Variants in FAM120A observed in about 807,000 individuals in gnomAD.
FAM120A encodes the protein constitutive coactivator of PPAR-gamma-like protein 1.
A neutral mutation model predicts 109.7 loss-of-function variants in FAM120A; 15 were observed. That is an observed-to-expected ratio of 0.14 (90% CI 0.09 to 0.21). The LOEUF (loss-of-function observed/expected upper bound fraction) is 0.21, where lower values mean the gene tolerates loss of function less well. FAM120A is among the 10% of genes least tolerant of loss of function. FAM120A has a pLI of 1.00. For synonymous variants in FAM120A, 493 were observed against 572.8 expected (o/e 0.86, Z 1.99); for missense variants, 899 against 1,439.3 (o/e 0.62, Z 6.07).
At chr9:93,554,128 C>G (rs1035721652) in intron 12 of FAM120A, among the ~76,000 whole-genome samples, 1 of 115,374 alleles carries the variant, frequency 8.7e-6, no homozygotes, top group African/African-American at 5.2e-5. Flanking sequence ...GATACACACA[C>G]ACACACACAC....
intron 2 of FAM120A, among the ~76,000 whole-genome samples, chr9:93,473,739 A>G (rs1858419586): frequency 6.6e-6 from 1 of 152,238 alleles, no homozygotes; most frequent in Non-Finnish European, 1.5e-5. Context: ...TTAGTAAGGG[A>G]ACTCTTGTGC....
intron 11 of FAM120A, 37 bp from the exon 12 acceptor site, chr9:93,550,540 C>A (rs369422067): frequency 4.6e-6 from 7 of 1,520,788 alleles, no homozygotes; most frequent in Non-Finnish European, 5.5e-6. Context: ...GGCGACCACT[C>A]AGTAATCACC....
intron 1 of FAM120A, 75 bp from the exon 2 acceptor site, chr9:93,471,066 C>T (rs925743648): frequency 5.3e-6 from 8 of 1,523,058 alleles, no homozygotes; most frequent in South Asian, 2.5e-5. Context: ...AGCTTCTGTG[C>T]AAACATTTCT....
chr9:93,475,047 C>T (rs1345387690), intron 2 of FAM120A, among the ~76,000 whole-genome samples: 1 of 152,194 alleles, frequency 6.6e-6, no homozygotes, highest in African/African-American at 2.4e-5. Context: ...GTTTGGAATA[C>T]AGGTGGAGTG....
At chr9:93,555,159 C>T (rs1405432398) in intron 12 of FAM120A, among the ~76,000 whole-genome samples, 1 of 152,090 alleles carries the variant, frequency 6.6e-6, no homozygotes, top group African/African-American at 2.4e-5. Context: ...TCTATCACCC[C>T]AGCCCTACCT....
chr9:93,484,988 T>G (rs1227399570), intron 3 of FAM120A, among the ~76,000 whole-genome samples: 1 of 152,132 alleles, frequency 6.6e-6, no homozygotes, highest in East Asian at 1.9e-4. Context: ...ACTCTGTGAG[T>G]TCAAAACGTC....
chr9:93,476,459 C>A, intron 3 of FAM120A, 121 bp downstream of exon 3: 1 of 668,326 alleles, frequency 1.5e-6, no homozygotes, highest in Middle Eastern at 2.6e-4. Flanking sequence ...CCATGTTTTC[C>A]CATAATTTCA....
At chr9:93,543,120 G>A (rs1031796342) in intron 10 of FAM120A, 102 bp from the exon 11 acceptor site, 2 of 1,423,112 alleles carry the variant, frequency 1.4e-6, no homozygotes, top group Non-Finnish European at 1.9e-6. Context: ...TTACCTGAGA[G>A]GCGAATCTTT....
rs899722515 is a variant in FAM120A, at chr9:93,539,248, C to G, written c.1910-3974C>G. Among the ~76,000 whole-genome samples, 6 of 152,152 alleles carry G rather than the reference C, an allele frequency of 3.9e-5. No individual in the cohort carries two copies. In the East Asian group the frequency reaches 9.7e-4, roughly 24 times the overall value. ...TCCTGACCTCGTGATCCGCCCACCT[C>G]GACCTCCCAAAGTGCTGGGATTACA... On this transcript the variant is annotated intron_variant, in intron 10 of 17. Coordinates refer to ENST00000277165, the MANE Select transcript of FAM120A (RefSeq NM_014612.5).
At chr9:93,545,780 C>CT (rs774150537) in intron 11 of FAM120A, among the ~76,000 whole-genome samples, 2,217 of 65,468 alleles carry the variant, frequency 0.034, 277 homozygotes, top group Admixed American at 0.047. Context: ...GGAAAGACTC[C>CT]TTTTTTTTTT....
At chr9:93,485,810 C>A (rs1859019553) in intron 3 of FAM120A, among the ~76,000 whole-genome samples, 1 of 152,120 alleles carries the variant, frequency 6.6e-6, no homozygotes, top group South Asian at 2.1e-4. Flanking sequence ...CCCTCTACAA[C>A]CCCTTGGCCA....
chr9:93,490,804 G>A (rs1184780457), intron 3 of FAM120A, among the ~76,000 whole-genome samples: 1 of 152,124 alleles, frequency 6.6e-6, no homozygotes, highest in Non-Finnish European at 1.5e-5. Flanking sequence ...TCCTTAAGAC[G>A]CCCCTTGAGT....
intron 11 of FAM120A, among the ~76,000 whole-genome samples, chr9:93,549,045 AAAAAACAAAAC>A (rs1201364825): frequency 6.6e-6 from 1 of 151,774 alleles, no homozygotes; most frequent in Non-Finnish European, 1.5e-5. Flanking sequence ...TCCATCTCAA[AAAAAACAAAAC>A]AAAAACAAAC....
At chr9:93,561,693 C>A (rs2131575487) in intron 16 of FAM120A, among the ~76,000 whole-genome samples, 1 of 152,180 alleles carries the variant, frequency 6.6e-6, no homozygotes, top group Non-Finnish European at 1.5e-5. Context: ...CTGCACACAG[C>A]CTTTAACATC....
intron 10 of FAM120A, 30 bp from the exon 11 acceptor site, chr9:93,543,192 T>G (rs1861764722): frequency 6.2e-7 from 1 of 1,607,878 alleles, no homozygotes; most frequent in African/African-American, 1.3e-5. Flanking sequence ...GATGCATGAA[T>G]GTGTCTTCTC....
intron 5 of FAM120A, among the ~76,000 whole-genome samples, chr9:93,512,486 A>C (rs930952117): frequency 5.3e-5 from 8 of 152,220 alleles, no homozygotes; most frequent in African/African-American, 1.9e-4. Flanking sequence ...AAATATAGTA[A>C]ACTTTTTTGG....
intron 10 of FAM120A, among the ~76,000 whole-genome samples, chr9:93,542,415 T>G (rs933247002): frequency 3.5e-4 from 53 of 152,266 alleles, no homozygotes; most frequent in Non-Finnish European, 7.3e-5. Context: ...TCCTTGTCAT[T>G]GTTTTTTCCT....
chr9:93,467,885 T>C (rs777022034), intron 1 of FAM120A, among the ~76,000 whole-genome samples: 3 of 151,912 alleles, frequency 2.0e-5, no homozygotes. Flanking sequence ...TTTTTTTTGG[T>C]TTCTTTTTTT....
intron 5 of FAM120A, among the ~76,000 whole-genome samples, chr9:93,499,783 A>G (rs573333487): frequency 6.6e-6 from 1 of 152,270 alleles, no homozygotes; most frequent in Non-Finnish European, 1.5e-5. Flanking sequence ...TAACAAAAGA[A>G]TGATTGCATG....
Sources: allele counts gnomAD v4.1 joint callset (sites outside exome capture counted in the v4.1 genomes callset), GRCh38; gene constraint gnomAD v4.1.1; transcripts MANE v1.5; gene names NCBI Gene and HGNC (gene_info 2026-07-23, HGNC 2026-07-21).